Variants in SMCR8 observed in about 807,000 individuals in gnomAD.
The protein encoded by SMCR8 is guanine nucleotide exchange protein SMCR8.
Under a neutral mutation model 56.6 loss-of-function variants are expected in SMCR8, and 30 were observed. That is an observed-to-expected ratio of 0.53 (90% CI 0.40 to 0.72). The LOEUF (loss-of-function observed/expected upper bound fraction) is 0.72. Ranked by LOEUF, SMCR8 falls within the 30% of genes least tolerant of loss-of-function variation. The pLI, the probability that SMCR8 is intolerant of heterozygous loss-of-function variation, is 0.00. For synonymous variants in SMCR8, 538 were observed against 456.0 expected, an observed-to-expected ratio of 1.18 and a Z score of -2.29; for missense variants, 1,198 against 1,157.0, an observed-to-expected ratio of 1.04 and a Z score of -0.51.
rs1982611752 is a variant in SMCR8 at position 18,325,041 on chromosome 17, C to T, written c.*1971C>T. Reference sequence around the variant, plus strand: ...TCCCCTCCTGTTCTAGATGCTGATTCGTTTTCTCACTGGCTGGTTAATTGC... The same window carrying T: ...TCCCCTCCTGTTCTAGATGCTGATTTGTTTTCTCACTGGCTGGTTAATTGC... On this transcript the variant is annotated 3_prime_UTR_variant, in exon 2 of 2. Coordinates refer to ENST00000406438, the MANE Select transcript of SMCR8 (RefSeq NM_144775.3). The T allele has an allele frequency of 6.6e-6, 1 of 152,274 alleles. No homozygotes were observed. The highest frequency in any genetic ancestry group is 2.4e-5 in the African/African-American group (1 of 41,456). The allele number at this position is 152,274 out of a possible 1,614,324, so 9.4% of individuals were successfully genotyped here. A position where few individuals can be genotyped will look rare whatever the true frequency, so the allele number is the denominator to read the frequency against.
At position 18,322,822 on chromosome 17, in the gene SMCR8, T is replaced by C; in HGVS notation, c.2566T>C (p.Ser856Pro). The C allele has an allele frequency of 6.2e-7, 1 of 1,613,920 alleles. No homozygotes were observed. The highest frequency in any genetic ancestry group is 8.5e-7 in the Non-Finnish European group (1 of 1,179,886). Residue 856 changes from serine to proline, a missense_variant, in exon 2 of 2, where the codon TCC (serine) becomes CCC (proline). Transcript: ENST00000406438. Reference sequence around the variant, plus strand: ...CCAGAGCATGCTCACCCAGCTCTGCTCCAAGGCCTTCCTCTACACCTTCTG... The same window carrying C: ...CCAGAGCATGCTCACCCAGCTCTGCCCCAAGGCCTTCCTCTACACCTTCTG... ...HVQSMLTQLC[S>P]KAFLYTFCHH...
chr17:18,316,172 C>T lies in SMCR8; in HGVS notation c.383C>T (p.Ser128Phe). The T allele has an allele frequency of 6.2e-7, 1 of 1,614,094 alleles. No individual in the cohort carries two copies. The highest frequency in any genetic ancestry group is 8.5e-7 in the Non-Finnish European group (1 of 1,180,024). ...VEDSKVVLGD[S>F]KEGAFAYVHH... is the part of the protein sequence containing the mutation. ...GACTCCAAGGTGGTGCTGGGAGATT[C>T]TAAGGAGGGCGCCTTTGCATACGTG... Residue 128 changes from serine to phenylalanine, a missense_variant, in exon 1 of 2, where the codon TCT (serine) becomes TTT (phenylalanine). Ser to Phe is a radical substitution (Grantham distance 155). Coordinates refer to ENST00000406438, the MANE Select transcript of SMCR8 (RefSeq NM_144775.3).
In SMCR8 at chr17:18,317,495, C is replaced by G. The variant is rs1982356407; in HGVS notation, c.1706C>G (p.Thr569Arg). The G allele has an allele frequency of 6.2e-7, 1 of 1,613,950 alleles. No individual in the cohort carries two copies. The change falls in exon 1 of 2, where the codon ACA becomes AGA. Residue 569 changes from threonine (T) to arginine (R), a missense_variant. Physicochemically the swap from Thr to Arg is moderately conservative, Grantham distance 71. Transcript: ENST00000406438. ...ASISPPELGE[T>R]EEGSIENTPS... ...ATCAGTCCTCCAGAACTGGGTGAGA[C>G]AGAGGAAGGCAGCATAGAAAACACC... is the stretch of plus-strand genomic sequence containing the variant.
chr17:18,322,533 G>T, intron 1 of SMCR8, 84 bp from the exon 2 acceptor site: 3 of 1,266,374 alleles, frequency 2.4e-6, no homozygotes, highest in Non-Finnish European at 3.4e-6. Context: ...GCTGGCCTGG[G>T]GACAGGAGGC....
Position 18,317,266 on chromosome 17 carries a change from C to T in SMCR8, c.1477C>T (p.Leu493Phe), listed in dbSNP as rs113043428. ...TTCTAAATCTGACAGCCAGGCAAGCCTCACAGTACCATTGAGCCCCCAGGT... is the reference window on the plus strand; with the variant it reads ...TTCTAAATCTGACAGCCAGGCAAGCTTCACAGTACCATTGAGCCCCCAGGT... ...VLSKSDSQAS[L>F]TVPLSPQVVR... The change falls in exon 1 of 2, where the codon CTC becomes TTC. Residue 493 changes from leucine to phenylalanine, a missense_variant. By Grantham distance (22) the Leu-to-Phe change is conservative (BLOSUM62 0). Coordinates refer to ENST00000406438, the MANE Select transcript of SMCR8 (RefSeq NM_144775.3). The T allele has an allele frequency of 1.5e-5, 25 of 1,613,982 alleles. No homozygotes were observed. The highest frequency in any genetic ancestry group is 3.3e-4 in the Middle Eastern group (2 of 6,084).
At position 18,325,471 on chromosome 17, in the gene SMCR8, T is replaced by C. The variant is rs1012962470; in HGVS notation, c.*2401T>C. ...TGGTCTCCCTCAAGGTGGTTCTTCA[T>C]TAAGTAAAGATGGCTTCGTGACTAG... On this transcript the variant is annotated 3_prime_UTR_variant, in exon 2 of 2. Coordinates refer to ENST00000406438, the MANE Select transcript of SMCR8 (RefSeq NM_144775.3). 6.6e-6 allele frequency: 1 copy of C among 152,264 alleles called. No individual in the cohort carries two copies. Among genetic ancestry groups the C allele is most frequent in the Non-Finnish European group, 1.5e-5 (1 of 68,048 alleles). 9.4% of individuals were successfully genotyped at this position (152,264 alleles called of 1,614,324 possible). A position where few individuals can be genotyped will look rare whatever the true frequency, so the allele number is the denominator to read the frequency against.
rs779705058 is a variant in SMCR8 at position 18,317,051 on chromosome 17, G to C, written c.1262G>C (p.Ser421Thr). The change falls in exon 1 of 2, where the codon AGT becomes ACT. Residue 421 changes from serine to threonine, a missense_variant. Ser to Thr is a moderately conservative substitution (Grantham distance 58). Coordinates refer to ENST00000406438, the MANE Select transcript of SMCR8 (RefSeq NM_144775.3). ...VLISVGSYKS[S>T]VESVLIKMEQ... The stretch of plus-strand genomic sequence containing the variant: ...ATTAGTGTTGGTTCTTACAAGTCCA[G>C]TGTGGAGTCTGTGTTGATCAAGATG... The C allele has an allele frequency of 2.5e-6, 4 of 1,614,210 alleles. No homozygotes were observed. The highest frequency in any genetic ancestry group is 3.4e-6 in the Non-Finnish European group (4 of 1,180,048).
rs762740527 is a variant in SMCR8 at position 18,325,489 on chromosome 17, G to C, written c.*2419G>C. ...TTCTTCATTAAGTAAAGATGGCTTC[G>C]TGACTAGTGTTTAGCTCCCAGATTT... is the stretch of plus-strand genomic sequence containing the variant. On this transcript the variant is annotated 3_prime_UTR_variant, in exon 2 of 2. Transcript: ENST00000406438. 5 of 152,242 alleles carry C rather than the reference G, an allele frequency of 3.3e-5. No individual in the cohort carries two copies. The highest frequency in any genetic ancestry group is 1.2e-4 in the African/African-American group (5 of 41,460). The allele number at this position is 152,242 out of a possible 1,614,324, so 9.4% of individuals were successfully genotyped here. A position where few individuals can be genotyped will look rare whatever the true frequency, so the allele number is the denominator to read the frequency against.
rs1304028996 is a variant in SMCR8, at chr17:18,315,989, T to G, written c.200T>G (p.Val67Gly). 6.2e-7 allele frequency: 1 copy of G among 1,614,146 alleles called. No homozygotes were observed. Among genetic ancestry groups the G allele is most frequent in the Non-Finnish European group, 8.5e-7 (1 of 1,180,034 alleles). The change falls in exon 1 of 2, where the codon GTG becomes GGG. Residue 67 changes from valine (V) to glycine (G), a missense_variant. Transcript: ENST00000406438. Reference sequence around the variant, plus strand: ...CTTATTTCCGAGTTCTCTGAGCAGGTGGGACCCCAACCCTTACTGACCATC... The same window carrying G: ...CTTATTTCCGAGTTCTCTGAGCAGGGGGGACCCCAACCCTTACTGACCATC... ...FILISEFSEQ[V>G]GPQPLLTIPN... is the part of the protein sequence containing the mutation.
Position 18,316,358 on chromosome 17 carries a change from C to T in SMCR8, c.569C>T (p.Ala190Val). ...TGCTTGAAGACTGGCAACAGGAAGG[C>T]ATTTGCTGGGGAACTTGAAAAAAAG... ...SECLKTGNRK[A>V]FAGELEKKLK... Residue 190 changes from alanine to valine, a missense_variant, in exon 1 of 2, where the codon GCA (alanine) becomes GTA (valine). Transcript: ENST00000406438. The T allele has an allele frequency of 1.9e-6, 3 of 1,614,110 alleles. No individual in the cohort carries two copies. Among genetic ancestry groups the T allele is most frequent in the African/African-American group, 1.3e-5 (1 of 75,010 alleles).
chr17:18,316,562 AT>A lies in SMCR8; in HGVS notation c.774del (p.Arg259GlyfsTer3). The A allele has an allele frequency of 6.2e-7, 1 of 1,614,120 alleles. No homozygotes were observed. The highest frequency in any genetic ancestry group is 8.5e-7 in the Non-Finnish European group (1 of 1,180,028). On this transcript the variant is annotated frameshift_variant, in exon 1 of 2. Coordinates refer to ENST00000406438, the MANE Select transcript of SMCR8 (RefSeq NM_144775.3). LOFTEE classifies it high-confidence loss of function. ...CTGAAGCAGATCCGCTCATACCCTCATCGGAAGTTGAAGGGGCATGATTTGT... is the reference window on the plus strand; with the variant it reads ...CTGAAGCAGATCCGCTCATACCCTCACGGAAGTTGAAGGGGCATGATTTGT... ...DLLKQIRSYP[H>X]RKLKGHDLCP...
chr17:18,323,999 G>A lies in SMCR8; in HGVS notation c.*929G>A, dbSNP rs55854203. Reference sequence around the variant, plus strand: ...GAGCGCATGAGCACTGACCTTCCTCGTGGGGAAGGTCTGCAGACCCGTGTG... The same window carrying A: ...GAGCGCATGAGCACTGACCTTCCTCATGGGGAAGGTCTGCAGACCCGTGTG... On this transcript the variant is annotated 3_prime_UTR_variant, in exon 2 of 2. Transcript: ENST00000406438. The A allele has an allele frequency of 0.02, 3,121 of 152,374 alleles. 48 individuals carry two copies. The highest frequency in any genetic ancestry group is 0.034 in the Non-Finnish European group (2,317 of 68,068). 9.4% of individuals were successfully genotyped at this position (152,374 alleles called of 1,614,324 possible). A position where few individuals can be genotyped will look rare whatever the true frequency, so the allele number is the denominator to read the frequency against.
At chr17:18,319,909 CAG>C (rs1425186363) in intron 1 of SMCR8, among the ~76,000 whole-genome samples, 2 of 152,150 alleles carry the variant, frequency 1.3e-5, no homozygotes, top group East Asian at 3.9e-4. Context: ...TTAGTAGAGA[CAG>C]GGTTTCACCA....
At chr17:18,321,596 T>G (rs1193220510) in intron 1 of SMCR8, among the ~76,000 whole-genome samples, 2 of 152,138 alleles carry the variant, frequency 1.3e-5, no homozygotes, top group East Asian at 3.8e-4. Flanking sequence ...TCCCAAATCT[T>G]TGGGAGGCCA....
rs1226494959 is a variant in SMCR8 at position 18,315,298 on chromosome 17, A to C, written c.-492A>C. ...CGGCGCGGACACCAGGAGTCATGTGATGTCAAGATGGCGGCGCCGCGGTAG... is the reference window on the plus strand; with the variant it reads ...CGGCGCGGACACCAGGAGTCATGTGCTGTCAAGATGGCGGCGCCGCGGTAG... On this transcript the variant is annotated 5_prime_UTR_variant, in exon 1 of 2. The change abolishes an upstream ATG in the 5' untranslated region. Transcript: ENST00000406438. 6 of 156,800 alleles carry C rather than the reference A, an allele frequency of 3.8e-5. No homozygotes were observed. In the South Asian group the frequency reaches 1.1e-3, roughly 28 times the overall value. The allele number at this position is 156,800 out of a possible 1,614,324, so 9.7% of individuals were successfully genotyped here. A position where few individuals can be genotyped will look rare whatever the true frequency, so the allele number is the denominator to read the frequency against.
In SMCR8 at chr17:18,319,987, G is replaced by A. The variant is rs1051739852; in HGVS notation, c.2360+1838G>A. Among the ~76,000 whole-genome samples, 17 of 152,330 alleles carry A rather than the reference G, an allele frequency of 1.1e-4. No homozygotes were observed. In the South Asian group the frequency reaches 1.9e-3, roughly 17 times the overall value. ...CTTCCGAAGTACTGGGATTATAGGC[G>A]TGAGCCCGGCCCTGCTGTCATTTTA... On this transcript the variant is annotated intron_variant, in intron 1 of 1. Coordinates refer to ENST00000406438, the MANE Select transcript of SMCR8 (RefSeq NM_144775.3).
chr17:18,316,072 AT>A lies in SMCR8; in HGVS notation c.284del (p.Met95SerfsTer21). On this transcript the variant is annotated frameshift_variant, in exon 1 of 2. Transcript: ENST00000406438. LOFTEE classifies it high-confidence loss of function. ...FDLNYFSLRI[M>X]SVDYQASFVG... The stretch of plus-strand genomic sequence containing the variant: ...TCTCAATTACTTCTCCCTGCGTATC[AT>A]GTCTGTGGATTACCAGGCTTCCTTC... 6.2e-7 allele frequency: 1 copy of A among 1,614,124 alleles called. No homozygotes were observed. The highest frequency in any genetic ancestry group is 2.2e-5 in the East Asian group (1 of 44,878).
At position 18,322,759 on chromosome 17, in the gene SMCR8, A is replaced by G. The variant is rs1250651499; in HGVS notation, c.2503A>G (p.Thr835Ala). The change falls in exon 2 of 2, where the codon ACA (threonine) becomes GCA (alanine). Residue 835 changes from threonine (T) to alanine (A), a missense_variant. Thr to Ala is a moderately conservative substitution (Grantham distance 58). Coordinates refer to ENST00000406438, the MANE Select transcript of SMCR8 (RefSeq NM_144775.3). The stretch of plus-strand genomic sequence containing the variant: ...GGTGCCCCGCCTGGCAGACCACCGC[A>G]CACAGATCAAGCGGGGCAGCACCTA... ...TLVPRLADHR[T>A]QIKRGSTYYL... 2.5e-6 allele frequency: 4 copies of G among 1,614,218 alleles called. No homozygotes were observed. Among genetic ancestry groups the G allele is most frequent in the South Asian group, 1.1e-5 (1 of 91,084 alleles).
Position 18,317,269 on chromosome 17 carries a change from A to G in SMCR8, c.1480A>G (p.Thr494Ala). The G allele has an allele frequency of 6.2e-7, 1 of 1,614,008 alleles. No homozygotes were observed. The highest frequency in any genetic ancestry group is 1.1e-5 in the South Asian group (1 of 91,078). The change falls in exon 1 of 2, where the codon ACA (threonine) becomes GCA (alanine). Residue 494 changes from threonine (T) to alanine (A), a missense_variant. Physicochemically the swap from Thr to Ala is moderately conservative, Grantham distance 58 (BLOSUM62 0). Transcript: ENST00000406438. ...TAAATCTGACAGCCAGGCAAGCCTC[A>G]CAGTACCATTGAGCCCCCAGGTGGT... ...LSKSDSQASL[T>A]VPLSPQVVRS...
Sources: gnomAD v4.1 joint callset for allele counts (sites outside exome capture counted in the v4.1 genomes callset) on GRCh38, gnomAD v4.1.1 for gene constraint, MANE v1.5 for transcripts, NCBI Gene and HGNC (gene_info 2026-07-23, HGNC 2026-07-21) for gene names.